CDK5RAP2: variants seen among roughly 807,000 people sequenced by gnomAD.
The protein encoded by CDK5RAP2 is CDK5 regulatory subunit-associated protein 2.
CDK5RAP2 carries 147 observed loss-of-function variants against 232.9 expected under a neutral mutation model. That is an observed-to-expected ratio of 0.63 (90% CI 0.55 to 0.72). CDK5RAP2 has a LOEUF of 0.72. Ranked by LOEUF, CDK5RAP2 falls within the 30% of genes least tolerant of loss-of-function variation. The probability of loss-of-function intolerance (pLI) is 0.00; values close to 1 mark genes in which losing one functional copy is unlikely to be tolerated. For synonymous variants in CDK5RAP2, 833 were observed against 833.7 expected, an observed-to-expected ratio of 1.00 and a Z score of 0.01; for missense variants, 2,195 against 2,231.5, an observed-to-expected ratio of 0.98 and a Z score of 0.33.
intron 27 of CDK5RAP2, among the ~76,000 whole-genome samples, chr9:120,417,628 T>C (rs927555310): frequency 6.6e-6 from 1 of 152,222 alleles, no homozygotes; most frequent in Non-Finnish European, 1.5e-5. Context: ...TAAGGAAACA[T>C]TCCCAGTTGA....
intron 5 of CDK5RAP2, among the ~76,000 whole-genome samples, chr9:120,542,674 G>A (rs2132005757): frequency 6.6e-6 from 1 of 152,312 alleles, no homozygotes; most frequent in South Asian, 2.1e-4. Flanking sequence ...AATACCAGAT[G>A]TGACCTTCCT....
intron 23 of CDK5RAP2, chr9:120,440,239 G>C: frequency 2.0e-6 from 1 of 492,642 alleles, no homozygotes; most frequent in Admixed American, 3.3e-5. Flanking sequence ...TTTTAACCAT[G>C]ATAAACCCAC....
chr9:120,546,354 C>T (rs138595019), intron 4 of CDK5RAP2, among the ~76,000 whole-genome samples: 1 of 152,316 alleles, frequency 6.6e-6, no homozygotes, highest in Non-Finnish European at 1.5e-5. Context: ...ATAAGGAGCA[C>T]CGCAATGTTC....
chr9:120,398,315 A>T (rs2032701253), intron 35 of CDK5RAP2, among the ~76,000 whole-genome samples: 1 of 152,222 alleles, frequency 6.6e-6, no homozygotes, highest in South Asian at 2.1e-4. Flanking sequence ...GTTCCCAATA[A>T]AAGTATTTGC....
intron 10 of CDK5RAP2, among the ~76,000 whole-genome samples, chr9:120,525,681 A>G (rs879526841): frequency 9.9e-5 from 15 of 151,996 alleles, no homozygotes; most frequent in Admixed American, 4.6e-4. Context: ...GCAGTGGCTG[A>G]TAACAGCTCA....
chr9:120,563,107 T>G (rs1331735496), intron 3 of CDK5RAP2, among the ~76,000 whole-genome samples: 1 of 151,938 alleles, frequency 6.6e-6, no homozygotes, highest in Admixed American at 6.6e-5. Flanking sequence ...AATCATGAGT[T>G]GAGAAGGGAG....
intron 7 of CDK5RAP2, among the ~76,000 whole-genome samples, chr9:120,535,900 C>G (rs573328383): frequency 1.3e-5 from 2 of 152,136 alleles, no homozygotes; most frequent in South Asian, 4.1e-4. Flanking sequence ...ATAAGTCACA[C>G]GAAATTCACT....
At chr9:120,460,979 A>G (rs896461931) in intron 18 of CDK5RAP2, among the ~76,000 whole-genome samples, 1 of 152,214 alleles carries the variant, frequency 6.6e-6, no homozygotes, top group Non-Finnish European at 1.5e-5. Context: ...AATGCCGTCT[A>G]TTATGCCACT....
intron 14 of CDK5RAP2, among the ~76,000 whole-genome samples, chr9:120,485,118 T>C (rs1376307258): frequency 6.6e-6 from 1 of 152,108 alleles, no homozygotes; most frequent in Non-Finnish European, 1.5e-5. Flanking sequence ...TATTTAAATA[T>C]CACCGGGATC....
chr9:120,407,415 C>T (rs1427717418), intron 31 of CDK5RAP2, 167 bp from the exon 32 acceptor site: 2 of 659,026 alleles, frequency 3.0e-6, no homozygotes, highest in African/African-American at 1.8e-5. Context: ...AAAATATTGG[C>T]AGACTTAATT....
At chr9:120,496,495 C>T (rs1458483989) in intron 12 of CDK5RAP2, among the ~76,000 whole-genome samples, 12 of 133,294 alleles carry the variant, frequency 9.0e-5, no homozygotes, top group African/African-American at 1.7e-4. Flanking sequence ...CCAGCCGCCC[C>T]GTCCGGGAGG....
intron 6 of CDK5RAP2, among the ~76,000 whole-genome samples, chr9:120,537,357 T>G (rs115363311): frequency 6.6e-6 from 1 of 152,140 alleles, no homozygotes; most frequent in Non-Finnish European, 1.5e-5. Context: ...GAAAAAAATG[T>G]TGGCTCCCTC....
chr9:120,403,109 G>A lies in CDK5RAP2; in HGVS notation c.5042-38C>T. 3 of 1,608,268 alleles carry A rather than the reference G, an allele frequency of 1.9e-6. No homozygotes were observed. The Middle Eastern group carries it at 5.1e-4, about 271-fold the overall frequency. The stretch of plus-strand genomic sequence containing the variant: ...AAGTAGGATGTAAAATCTGTTTCAG[G>A]TAACACTCTGCGTTCAAGACGCTTA... On this transcript the variant is annotated intron_variant, in intron 33 of 37. Coordinates refer to ENST00000349780, the MANE Select transcript of CDK5RAP2 (RefSeq NM_018249.6). The surrounding 1 kb of genome is among the most constrained non-coding windows in gnomAD (Gnocchi z 4.2).
chr9:120,413,823 A>AGGGAGGAG (rs1554731801), intron 28 of CDK5RAP2, among the ~76,000 whole-genome samples: 3 of 108,716 alleles, frequency 2.8e-5, no homozygotes, highest in African/African-American at 1.1e-4. Context: ...GGGAGGAGGG[A>AGGGAGGAG]GGAGGGAGGA....
In CDK5RAP2 at chr9:120,400,811, G is replaced by T; in HGVS notation, c.5382C>A (p.Tyr1794Ter). 1 of 1,614,218 alleles carries T rather than the reference G, an allele frequency of 6.2e-7. No homozygotes were observed. The highest frequency in any genetic ancestry group is 8.5e-7 in the Non-Finnish European group (1 of 1,180,028). ...CTCTCCAGAGAAGCTTCAGCCGCCT[G>T]TAGGCCTCTTCCAGGGTCAGCTTGG... ...STAKLTLEEA[Y>*]RRLKLLWRVS... The change falls in exon 35 of 38, where the codon TAC (tyrosine) becomes TAA (stop). Residue 1794 changes from tyrosine (Y) to a stop codon, truncating the protein, a stop_gained. Transcript: ENST00000349780. LOFTEE classifies it high-confidence loss of function.
intron 3 of CDK5RAP2, among the ~76,000 whole-genome samples, chr9:120,552,858 G>A (rs150433367): frequency 6.6e-6 from 1 of 150,906 alleles, no homozygotes; most frequent in South Asian, 2.1e-4. Context: ...AAAAAAAAAA[G>A]AGTGCTGTGT....
chr9:120,518,813 A>G (rs1311120561), intron 11 of CDK5RAP2, among the ~76,000 whole-genome samples, 168 bp from the exon 12 acceptor site: 3 of 152,192 alleles, frequency 2.0e-5, no homozygotes, highest in African/African-American at 7.2e-5. Context: ...TTGGAATAAC[A>G]TAAGATAATG....
chr9:120,409,153 G>C lies in CDK5RAP2; in HGVS notation c.4578C>G (p.Val1526=). The change falls in exon 30 of 38, where the codon GTC becomes GTG. Residue 1526 remains valine (V), a synonymous_variant. Transcript: ENST00000349780. ...TGCTCAGCTCCTGGCCGCTGCAGCGGACCTCCTGGATCAGCTGCTGGTTGT... is the reference window on the plus strand; with the variant it reads ...TGCTCAGCTCCTGGCCGCTGCAGCGCACCTCCTGGATCAGCTGCTGGTTGT... ...ERHNQQLIQE[V]RCSGQELSRV... is the part of the protein sequence containing the mutation. 6.2e-7 allele frequency: 1 copy of C among 1,612,596 alleles called. No individual in the cohort carries two copies. The highest frequency in any genetic ancestry group is 8.5e-7 in the Non-Finnish European group (1 of 1,180,012).
chr9:120,551,413 C>T lies in CDK5RAP2; in HGVS notation c.196-511G>A, dbSNP rs140157864. On this transcript the variant is annotated intron_variant, in intron 3 of 37. Transcript: ENST00000349780. ...ATTACAAAAGGAAAAGGTAACCTTA[C>T]AATTTAGGAAACTTGCGAACACCAT... Among the ~76,000 whole-genome samples the T allele has an allele frequency of 1.3e-3, 197 of 152,306 alleles. 1 individual carries two copies. The highest frequency in any genetic ancestry group is 4.5e-3 in the African/African-American group (189 of 41,572).
Sources: allele counts gnomAD v4.1 joint callset (sites outside exome capture counted in the v4.1 genomes callset), GRCh38; gene constraint gnomAD v4.1.1; non-coding constraint Gnocchi (gnomAD v3.1); transcripts MANE v1.5; gene names NCBI Gene and HGNC (gene_info 2026-07-23, HGNC 2026-07-21).